Variants in TAFA2 observed in about 807,000 individuals in gnomAD.
TAFA2 encodes the protein chemokine-like protein TAFA-2.
A neutral mutation model predicts 18.8 loss-of-function variants in TAFA2; 7 were observed. The ratio of observed to expected loss-of-function variants is 0.37; its 90% CI spans 0.21 to 0.70. TAFA2 has a LOEUF of 0.70. Ranked by LOEUF, TAFA2 falls within the 30% of genes least tolerant of loss-of-function variation. The pLI, the probability that TAFA2 is intolerant of heterozygous loss-of-function variation, is 0.53. For synonymous variants in TAFA2, 60 were observed against 54.2 expected, an observed-to-expected ratio of 1.11 and a Z score of -0.47; for missense variants, 122 against 158.1, an observed-to-expected ratio of 0.77 and a Z score of 1.23.
chr12:61,935,242 C>A (rs1396227087), intron 1 of TAFA2, among the ~76,000 whole-genome samples: 1 of 152,172 alleles, frequency 6.6e-6, no homozygotes, highest in East Asian at 1.9e-4. Context: ...GGCAAGAAAC[C>A]CAAGCACCAA....
intron 1 of TAFA2, among the ~76,000 whole-genome samples, chr12:62,139,776 G>C (rs143562040): frequency 2.2e-3 from 329 of 152,214 alleles, no homozygotes; most frequent in African/African-American, 6.9e-3. Flanking sequence ...GAGCTGCAAG[G>C]GATCTAGACC....
At chr12:62,066,871 T>G (rs919061669) in intron 1 of TAFA2, among the ~76,000 whole-genome samples, 2 of 152,032 alleles carry the variant, frequency 1.3e-5, no homozygotes, top group Non-Finnish European at 2.9e-5. Flanking sequence ...CTATTTTCAG[T>G]TTCTTAAGGA....
intron 1 of TAFA2, among the ~76,000 whole-genome samples, chr12:62,018,264 A>C (rs925698476): frequency 6.6e-6 from 1 of 152,206 alleles, no homozygotes; most frequent in Non-Finnish European, 1.5e-5. Flanking sequence ...TACTGGAATA[A>C]CAATCATTAG....
chr12:61,922,893 C>T (rs972886686), intron 1 of TAFA2, among the ~76,000 whole-genome samples: 4 of 152,118 alleles, frequency 2.6e-5, no homozygotes, highest in Admixed American at 6.5e-5. Flanking sequence ...CAACCTGGGA[C>T]GCTCGAGCTT....
At chr12:61,796,942 C>T (rs868529862) in intron 2 of TAFA2, among the ~76,000 whole-genome samples, 1 of 152,102 alleles carries the variant, frequency 6.6e-6, no homozygotes, top group African/African-American at 2.4e-5. Context: ...GCAAGAAGTA[C>T]ATGTGAAGAG....
At chr12:62,243,861 G>A (rs2062873336) in intron 1 of TAFA2, among the ~76,000 whole-genome samples, 1 of 152,152 alleles carries the variant, frequency 6.6e-6, no homozygotes, top group Non-Finnish European at 1.5e-5. Flanking sequence ...GCTCACTGCA[G>A]CCTTGACCTC....
chr12:61,802,554 T>C (rs764264899), intron 2 of TAFA2, among the ~76,000 whole-genome samples: 38 of 152,034 alleles, frequency 2.5e-4, no homozygotes, highest in South Asian at 8.3e-4. Flanking sequence ...GCAAAAAGTG[T>C]TGAGGGCATA....
At chr12:61,828,641 C>G (rs7979443) in intron 2 of TAFA2, among the ~76,000 whole-genome samples, 54,171 of 151,554 alleles carry the variant, frequency 0.36, 9,835 homozygotes, top group Non-Finnish European at 0.39. Flanking sequence ...ACCAAGATTA[C>G]CAATATTTGG....
intron 2 of TAFA2, among the ~76,000 whole-genome samples, chr12:61,852,422 G>C (rs1873713529): frequency 1.3e-5 from 2 of 152,134 alleles, no homozygotes; most frequent in African/African-American, 2.4e-5. Context: ...ATGTGGCTGA[G>C]AATGCTTTCT....
chr12:61,762,445 T>C (rs1346366350), intron 2 of TAFA2, among the ~76,000 whole-genome samples: 1 of 152,012 alleles, frequency 6.6e-6, no homozygotes, highest in African/African-American at 2.4e-5. Flanking sequence ...AGAGTCTTTA[T>C]GAAGACCAAA....
chr12:61,985,205 C>T (rs1009275623), intron 1 of TAFA2, among the ~76,000 whole-genome samples: 4 of 152,144 alleles, frequency 2.6e-5, no homozygotes, highest in Non-Finnish European at 5.9e-5. Context: ...TTAAAGGAAA[C>T]GCTGGACATG....
intron 1 of TAFA2, among the ~76,000 whole-genome samples, chr12:62,104,080 T>C (rs563817584): frequency 2.0e-5 from 3 of 152,326 alleles, no homozygotes; most frequent in East Asian, 3.9e-4. Context: ...TGCAGAATCC[T>C]ACAATATAAT....
chr12:61,898,385 T>C (rs1471560629), intron 1 of TAFA2, among the ~76,000 whole-genome samples: 1 of 152,230 alleles, frequency 6.6e-6, no homozygotes, highest in East Asian at 1.9e-4. Flanking sequence ...CCTTCTGAAC[T>C]GCCCTAGCAG....
chr12:61,836,756 T>TATATATATATATATACACACAC (rs68158949), intron 2 of TAFA2, among the ~76,000 whole-genome samples: 107 of 119,824 alleles, frequency 8.9e-4, no homozygotes, highest in African/African-American at 2.9e-3. Context: ...TATATATATA[T>TATATATATATATATACACACAC]ACACACACAC....
intron 1 of TAFA2, among the ~76,000 whole-genome samples, chr12:62,236,418 C>T (rs1361756460): frequency 6.6e-6 from 1 of 152,158 alleles, no homozygotes; most frequent in East Asian, 1.9e-4. Flanking sequence ...GTGCCTGCCA[C>T]CATGCCTGGC....
In TAFA2 at chr12:62,134,176, C is replaced by T. The variant is rs552918089; in HGVS notation, c.-2+57083G>A. Among the ~76,000 whole-genome samples, 7 of 152,024 alleles carry T rather than the reference C, an allele frequency of 4.6e-5. No homozygotes were observed. The East Asian group carries it at 1.4e-3, about 30-fold the overall frequency. On this transcript the variant is annotated intron_variant, in intron 1 of 4. Coordinates refer to ENST00000416284, the MANE Select transcript of TAFA2 (RefSeq NM_178539.5). ...GCTTCCTCCACCAAGTCATCCCTGA[C>T]AAACCTACAGCCTTTCCCAGATTGC...
chr12:61,968,899 G>A (rs1289570976), intron 1 of TAFA2, among the ~76,000 whole-genome samples: 2 of 151,658 alleles, frequency 1.3e-5, no homozygotes, highest in Non-Finnish European at 2.9e-5. Context: ...AAAACTGACT[G>A]ATTTCATATT....
intron 4 of TAFA2, among the ~76,000 whole-genome samples, chr12:61,728,956 ATTTG>A (rs1273018331): frequency 6.6e-6 from 1 of 151,942 alleles, no homozygotes; most frequent in Non-Finnish European, 1.5e-5. Flanking sequence ...TTCTCTCAGC[ATTTG>A]TTTGTCTAAA....
chr12:62,230,364 T>TA (rs1331305704), intron 1 of TAFA2, among the ~76,000 whole-genome samples: 1 of 152,142 alleles, frequency 6.6e-6, no homozygotes, highest in African/African-American at 2.4e-5. Context: ...AACTTCCCTC[T>TA]TAGTACTGCT....
Sources: allele counts gnomAD v4.1 joint callset (sites outside exome capture counted in the v4.1 genomes callset), GRCh38; gene constraint gnomAD v4.1.1; transcripts MANE v1.5; gene names NCBI Gene and HGNC (gene_info 2026-07-23, HGNC 2026-07-21).